KCND3: variants seen among roughly 807,000 people sequenced by gnomAD.
The protein encoded by KCND3 is A-type voltage-gated potassium channel KCND3.
KCND3 carries 9 observed loss-of-function variants against 51.1 expected under a neutral mutation model. That is an observed-to-expected ratio of 0.18 (90% CI 0.11 to 0.31). The LOEUF (loss-of-function observed/expected upper bound fraction) is 0.31. Among genes scored for constraint, KCND3 ranks in the 10% least tolerant of loss-of-function variants. The pLI, the probability that KCND3 is intolerant of heterozygous loss-of-function variation, is 1.00. For missense variants in KCND3, 526 were observed against 903.8 expected, an observed-to-expected ratio of 0.58 and a Z score of 5.36; for synonymous variants, 349 against 368.0, an observed-to-expected ratio of 0.95 and a Z score of 0.59.
intron 2 of KCND3, among the ~76,000 whole-genome samples, chr1:111,914,811 G>A (rs952039249): frequency 7.3e-5 from 11 of 151,012 alleles, no homozygotes; most frequent in African/African-American, 2.7e-4. Flanking sequence ...TATAAATCTG[G>A]ATCTACACAA....
chr1:111,818,040 GCA>G (rs59035556), intron 2 of KCND3, among the ~76,000 whole-genome samples: 15,143 of 147,854 alleles, frequency 0.1, 761 homozygotes, highest in East Asian at 0.13. Context: ...ACACGCGCGT[GCA>G]CACACACACA....
chr1:111,941,361 C>A lies in KCND3; in HGVS notation c.1106+40260G>T, dbSNP rs772346435. On this transcript the variant is annotated intron_variant, in intron 2 of 7. Transcript: ENST00000302127. ...CTCCCCACCTGCCCCAGTCTCTCTGCAAGCAGCAGGGCTGAACAGGTCTTC... is the reference window on the plus strand; with the variant it reads ...CTCCCCACCTGCCCCAGTCTCTCTGAAAGCAGCAGGGCTGAACAGGTCTTC... Among the ~76,000 whole-genome samples the A allele has an allele frequency of 2.6e-5, 4 of 152,236 alleles. No individual in the cohort carries two copies. In the East Asian group the frequency reaches 7.7e-4, roughly 29 times the overall value.
rs1224556171 is a variant in KCND3 at position 111,772,585 on chromosome 1, CATT to C, written c.*3489_*3491del. On this transcript the variant is annotated 3_prime_UTR_variant, in exon 8 of 8. Coordinates refer to ENST00000302127, the MANE Select transcript of KCND3 (RefSeq NM_001378969.1). Reference sequence around the variant, plus strand: ...ACTCGTGTTCTGGTCTCAGATCTGTCATTAAATAACTGCATGACCTTGAACAAG... The same window carrying C: ...ACTCGTGTTCTGGTCTCAGATCTGTCAAATAACTGCATGACCTTGAACAAG... The C allele has an allele frequency of 6.6e-6, 1 of 152,206 alleles. No homozygotes were observed. The highest frequency in any genetic ancestry group is 1.5e-5 in the Non-Finnish European group (1 of 68,024). 9.4% of individuals were successfully genotyped at this position (152,206 alleles called of 1,614,324 possible). A position where few individuals can be genotyped will look rare whatever the true frequency, so the allele number is the denominator to read the frequency against.
At chr1:111,894,699 G>A (rs373290467) in intron 2 of KCND3, among the ~76,000 whole-genome samples, 10 of 152,210 alleles carry the variant, frequency 6.6e-5, no homozygotes, top group South Asian at 2.1e-4. Flanking sequence ...GCAAATGGCA[G>A]GGTCATCAGG....
At chr1:111,867,292 G>T (rs1380153788) in intron 2 of KCND3, among the ~76,000 whole-genome samples, 1 of 152,160 alleles carries the variant, frequency 6.6e-6, no homozygotes, top group Non-Finnish European at 1.5e-5. Flanking sequence ...CCTGGCATCA[G>T]GTAGGTGCTC....
chr1:111,871,178 C>T (rs7513810), intron 2 of KCND3, among the ~76,000 whole-genome samples: 5,833 of 152,182 alleles, frequency 0.038, 256 homozygotes, highest in East Asian at 0.12. Flanking sequence ...CTGTGAATGG[C>T]CTTGAGTTGC....
intron 2 of KCND3, among the ~76,000 whole-genome samples, chr1:111,954,495 G>T (rs535310339): frequency 6.6e-6 from 1 of 152,306 alleles, no homozygotes; most frequent in African/African-American, 2.4e-5. Flanking sequence ...TTCATCTGGG[G>T]TGCAGAATTG....
At chr1:111,952,946 A>G (rs779243749) in intron 2 of KCND3, among the ~76,000 whole-genome samples, 6 of 152,144 alleles carry the variant, frequency 3.9e-5, no homozygotes, top group Non-Finnish European at 8.8e-5. Context: ...TATAAACAAC[A>G]TTTTATTGAG....
At chr1:111,870,729 A>AG (rs1668794225) in intron 2 of KCND3, among the ~76,000 whole-genome samples, 1 of 151,464 alleles carries the variant, frequency 6.6e-6, no homozygotes, top group South Asian at 2.1e-4. Context: ...AAGAAAAAAA[A>AG]GACACAAAAA....
chr1:111,825,538 A>C (rs1377451629), intron 2 of KCND3, among the ~76,000 whole-genome samples: 2 of 152,192 alleles, frequency 1.3e-5, no homozygotes, highest in East Asian at 3.8e-4. Flanking sequence ...TATTCTTTCT[A>C]CATCTCCAGT....
chr1:111,846,377 G>T (rs1027973013), intron 2 of KCND3, among the ~76,000 whole-genome samples: 9 of 152,010 alleles, frequency 5.9e-5, no homozygotes, highest in African/African-American at 1.7e-4. Flanking sequence ...ACTTTCCCCG[G>T]GTTATGTAAG....
At chr1:111,855,203 T>C (rs1668008258) in intron 2 of KCND3, among the ~76,000 whole-genome samples, 1 of 152,152 alleles carries the variant, frequency 6.6e-6, no homozygotes, top group African/African-American at 2.4e-5. Context: ...GTTCTGGAGC[T>C]CCAAGGCCTG....
chr1:111,981,516 G>C lies in KCND3; in HGVS notation c.1106+105C>G. 1 of 1,527,784 alleles carries C rather than the reference G, an allele frequency of 6.5e-7. No homozygotes were observed. The highest frequency in any genetic ancestry group is 9.1e-7 in the Non-Finnish European group (1 of 1,104,562). 94.6% of individuals were successfully genotyped at this position (1,527,784 alleles called of 1,614,324 possible). On this transcript the variant is annotated intron_variant, in intron 2 of 7. Transcript: ENST00000302127. This position sits in a 1 kb window ranked among gnomAD's most constrained non-coding sequence, Gnocchi z 6.2. ...TCCCCTGCCCCCAACACTTGGGTAA[G>C]GGACTCCCTCCTCCTCTACCCATGG...
chr1:111,959,133 T>C (rs1673497298), intron 2 of KCND3, among the ~76,000 whole-genome samples: 1 of 152,182 alleles, frequency 6.6e-6, no homozygotes, highest in Non-Finnish European at 1.5e-5. Context: ...CTTGCTTAAA[T>C]AGAGAATGTG....
At chr1:111,835,843 C>A (rs947748235) in intron 2 of KCND3, among the ~76,000 whole-genome samples, 3 of 152,184 alleles carry the variant, frequency 2.0e-5, no homozygotes, top group Non-Finnish European at 4.4e-5. Flanking sequence ...TATGGAGGAG[C>A]CATTCTTTTA....
chr1:111,857,679 T>C (rs1668141856), intron 2 of KCND3, among the ~76,000 whole-genome samples: 1 of 150,570 alleles, frequency 6.6e-6, no homozygotes, highest in Admixed American at 6.6e-5. Flanking sequence ...GCTTGCCCCC[T>C]TTCTCGGTGG....
intron 2 of KCND3, among the ~76,000 whole-genome samples, chr1:111,816,348 T>C (rs1666088005): frequency 6.6e-6 from 1 of 152,262 alleles, no homozygotes; most frequent in East Asian, 1.9e-4. Flanking sequence ...AAGAGAAGCC[T>C]GAGTGGAGTG....
chr1:111,824,028 T>C (rs1282638592), intron 2 of KCND3, among the ~76,000 whole-genome samples: 1 of 151,448 alleles, frequency 6.6e-6, no homozygotes, highest in Non-Finnish European at 1.5e-5. Context: ...GCTGGATTTT[T>C]AGGAAAAGCT....
intron 2 of KCND3, among the ~76,000 whole-genome samples, chr1:111,938,647 A>G (rs1229028239): frequency 1.1e-4 from 17 of 152,196 alleles, no homozygotes; most frequent in Admixed American, 7.9e-4. Context: ...AAGTAAGGTT[A>G]TCTGAGGAAG....
Sources: allele counts gnomAD v4.1 joint callset (sites outside exome capture counted in the v4.1 genomes callset), GRCh38; gene constraint gnomAD v4.1.1; non-coding constraint Gnocchi (gnomAD v3.1); transcripts MANE v1.5; gene names NCBI Gene and HGNC (gene_info 2026-07-23, HGNC 2026-07-21).